The following GIT2 variants were observed in gnomAD, a reference collection of about 807,000 sequenced individuals.
The protein encoded by GIT2 is ARF GTPase-activating protein GIT2.
In GIT2, 32 loss-of-function variants were observed where a neutral mutation model predicts 100.3. That is an observed-to-expected ratio of 0.32 (90% CI 0.24 to 0.43). GIT2 has a LOEUF of 0.43. GIT2 is among the 20% of genes least tolerant of loss of function. The probability of loss-of-function intolerance (pLI) is 1.00; values close to 1 mark genes in which losing one functional copy is unlikely to be tolerated. For synonymous variants in GIT2, 353 were observed against 364.1 expected (o/e 0.97, Z 0.35); for missense variants, 737 against 975.1 (o/e 0.76, Z 3.25).
At chr12:109,988,897 T>A in intron 4 of GIT2, 66 bp downstream of exon 4, 1 of 927,070 alleles carries the variant, frequency 1.1e-6, no homozygotes, top group Non-Finnish European at 1.7e-6. Context: ...TTTTTTTCGT[T>A]TTTTCAAATA....
chr12:109,937,044 G>A (rs1873240043), intron 18 of GIT2, among the ~76,000 whole-genome samples: 6 of 152,164 alleles, frequency 3.9e-5, no homozygotes, highest in Admixed American at 3.3e-4. Context: ...GGAGGGAGGA[G>A]GAAGCCAAAT....
intron 12 of GIT2, chr12:109,953,449 T>C (rs1284788609): frequency 5.8e-6 from 3 of 513,208 alleles, no homozygotes; most frequent in Non-Finnish European, 1.0e-5. Context: ...TGAGACTCCA[T>C]CCCTACACAA....
chr12:109,947,420 T>C lies in GIT2; in HGVS notation c.1477A>G (p.Thr493Ala), dbSNP rs748509869. Residue 493 changes from threonine (T) to alanine (A), a missense_variant, in exon 15 of 20, where the codon ACA becomes GCA. Around this residue, in one of 3 missense-constraint regions of GIT2, gnomAD observed 451 missense variants for 543.7 expected, o/e 0.83. Transcript: ENST00000355312. The surrounding 1 kb of genome is among the most constrained non-coding windows in gnomAD (Gnocchi z 4.3). Reference sequence around the variant, plus strand: ...AAGGAAGAGTGGTTGGAAGTGTCTGTGTACTCAGAACCAGTTTGCACCTGA... The same window carrying C: ...AAGGAAGAGTGGTTGGAAGTGTCTGCGTACTCAGAACCAGTTTGCACCTGA... ...VYQVQTGSEY[T>A]DTSNHSSLKR... is the part of the protein sequence containing the mutation. 3 of 1,613,962 alleles carry C rather than the reference T, an allele frequency of 1.9e-6. No individual in the cohort carries two copies. The highest frequency in any genetic ancestry group is 1.7e-6 in the Non-Finnish European group (2 of 1,179,922).
chr12:109,952,884 A>T (rs1165210785), intron 13 of GIT2: 4 of 595,050 alleles, frequency 6.7e-6, no homozygotes, highest in Non-Finnish European at 1.2e-5. Flanking sequence ...AAAACACACC[A>T]ATCACTCCTC....
intron 7 of GIT2, among the ~76,000 whole-genome samples, chr12:109,976,520 G>A (rs1371650537): frequency 1.3e-5 from 2 of 150,806 alleles, no homozygotes; most frequent in African/African-American, 2.4e-5. Flanking sequence ...TCCTGACCTC[G>A]TGATCTGCCC....
intron 4 of GIT2, 71 bp from the exon 5 acceptor site, chr12:109,983,765 A>T (rs1886802527): frequency 1.1e-6 from 1 of 913,286 alleles, no homozygotes. Context: ...GGCAGCTGAT[A>T]GACCATTTTA....
chr12:109,983,869 G>T, intron 4 of GIT2, 175 bp from the exon 5 acceptor site: 1 of 559,392 alleles, frequency 1.8e-6, no homozygotes. Context: ...TCCCTGGGCT[G>T]TAAGGTGGAG....
upstream of GIT2, chr12:109,999,458 G>A: frequency 4.2e-6 from 1 of 240,312 alleles, no homozygotes. This position sits in a 1 kb window ranked among gnomAD's most constrained non-coding sequence, Gnocchi z 4.3. Flanking sequence ...TGTCAGCGCG[G>A]GCGGGAACGC....
chr12:109,947,215 T>G lies in GIT2; in HGVS notation c.1641+41A>C. On this transcript the variant is annotated intron_variant, in intron 15 of 19. Transcript: ENST00000355312. This position sits in a 1 kb window ranked among gnomAD's most constrained non-coding sequence, Gnocchi z 4.3. ...AGAAGAGGGAACAGAGTAGACAGGCTGCATAGAGTGAACAGCAGAAGCGCC... is the reference window on the plus strand; with the variant it reads ...AGAAGAGGGAACAGAGTAGACAGGCGGCATAGAGTGAACAGCAGAAGCGCC... The G allele has an allele frequency of 6.3e-7, 1 of 1,585,764 alleles. No homozygotes were observed.
intron 14 of GIT2, chr12:109,950,901 A>G: frequency 3.0e-6 from 1 of 330,700 alleles, no homozygotes; most frequent in East Asian, 5.5e-5. Flanking sequence ...GTTTCCAGGA[A>G]GCACAGAATA....
intron 7 of GIT2, among the ~76,000 whole-genome samples, chr12:109,974,372 C>T (rs1283122846): frequency 6.6e-6 from 1 of 151,972 alleles, no homozygotes; most frequent in African/African-American, 2.4e-5. Flanking sequence ...ACTAAAAATA[C>T]AAAAATTAGC....
At chr12:109,998,468 G>C (rs1038695091), upstream of GIT2, 6 of 152,246 alleles carry the variant, frequency 3.9e-5, no homozygotes, top group African/African-American at 1.4e-4. Flanking sequence ...TCTAGTTGTA[G>C]ACAGCTGAGC....
At chr12:109,989,250 A>G (rs1055487953) in intron 3 of GIT2, among the ~76,000 whole-genome samples, 182 bp from the exon 4 acceptor site, 7 of 152,168 alleles carry the variant, frequency 4.6e-5, no homozygotes, top group African/African-American at 1.7e-4. Flanking sequence ...TAGTTATTAT[A>G]ATGGCTGGGA....
intron 14 of GIT2, chr12:109,949,023 C>G (rs1334941880): frequency 1.7e-5 from 10 of 579,546 alleles, no homozygotes; most frequent in Non-Finnish European, 3.0e-5. Flanking sequence ...GCCTCTTCCA[C>G]AAAAAGACCA....
chr12:109,974,511 G>A (rs924226547), intron 7 of GIT2, among the ~76,000 whole-genome samples: 5 of 152,142 alleles, frequency 3.3e-5, no homozygotes, highest in African/African-American at 1.2e-4. Context: ...GGGCAACAGC[G>A]CGAGGCTCTG....
At chr12:109,935,844 C>T (rs983070701) in intron 18 of GIT2, among the ~76,000 whole-genome samples, 1 of 152,196 alleles carries the variant, frequency 6.6e-6, no homozygotes, top group Non-Finnish European at 1.5e-5. Context: ...GTCCTCCACA[C>T]GATAGAAAAG....
chr12:109,992,947 C>CA, intron 1 of GIT2, among the ~76,000 whole-genome samples: 1 of 151,936 alleles, frequency 6.6e-6, no homozygotes, highest in African/African-American at 2.4e-5. Context: ...GCTGGGATTA[C>CA]AGGCTTGAGC....
In GIT2 at chr12:109,983,505, T is replaced by G; in HGVS notation, c.493-2A>C. The G allele has an allele frequency of 6.2e-7, 1 of 1,613,228 alleles. No homozygotes were observed. Among genetic ancestry groups the G allele is most frequent in the Non-Finnish European group, 8.5e-7 (1 of 1,179,368 alleles). ...ATGGAGTGGGGTGTTTCCTTTTTCC[T>G]AAGAATCATTAATAAAAAGTAGGCA... On this transcript the variant is annotated splice_acceptor_variant, in intron 5 of 19. Coordinates refer to ENST00000355312, the MANE Select transcript of GIT2 (RefSeq NM_057169.5). LOFTEE classifies it high-confidence loss of function.
chr12:109,973,399 C>T (rs1382981320), intron 7 of GIT2, among the ~76,000 whole-genome samples: 3 of 152,086 alleles, frequency 2.0e-5, no homozygotes, highest in Non-Finnish European at 4.4e-5. Flanking sequence ...CCTCAGCCTC[C>T]CAAAGTGCTG....
Sources: gnomAD v4.1 joint callset for allele counts (sites outside exome capture counted in the v4.1 genomes callset) on GRCh38, gnomAD v4.1.1 for gene constraint, gnomAD v4.1.1 regional missense constraint, Gnocchi (gnomAD v3.1) non-coding constraint, MANE v1.5 for transcripts, NCBI Gene and HGNC (gene_info 2026-07-23, HGNC 2026-07-21) for gene names.